The following ANO3 variants were observed in gnomAD, a reference collection of about 807,000 sequenced individuals.
ANO3 encodes anoctamin 3.
In ANO3, 99 loss-of-function variants were observed where a neutral mutation model predicts 144.8. The observed-to-expected ratio is 0.68, with a 90% CI of 0.58 to 0.81. ANO3 has a LOEUF of 0.81. ANO3 is among the 30% of genes least tolerant of loss of function. The pLI is 0.00. For missense variants in ANO3, 905 were observed against 1,202.2 expected, an observed-to-expected ratio of 0.75 and a Z score of 3.66; for synonymous variants, 414 against 392.6, an observed-to-expected ratio of 1.05 and a Z score of -0.64.
At chr11:26,546,179 T>C (rs1849783081) in intron 11 of ANO3, among the ~76,000 whole-genome samples, 1 of 151,938 alleles carries the variant, frequency 6.6e-6, no homozygotes, top group South Asian at 2.1e-4. Context: ...AAATGTTTTT[T>C]TTTCAATACC....
At position 26,276,357 on chromosome 11, in the gene ANO3, G is replaced by A. The variant is rs138055244; in HGVS notation, c.155-33288G>A. 2.3e-3 allele frequency among the ~76,000 whole-genome samples: 357 copies of A among 152,220 alleles called. 9 individuals carry two copies. Among genetic ancestry groups the A allele is most frequent in the Admixed American group, 0.021 (328 of 15,272 alleles). ...AATTTTAGCAACCATCCCCAGGTGA[G>A]TCTGAATCAGGGCCCATCAGACCCC... On this transcript the variant is annotated intron_variant, in intron 1 of 27. Transcript: ENST00000672621.
chr11:26,276,478 G>A (rs901801600), intron 1 of ANO3, among the ~76,000 whole-genome samples: 10 of 152,114 alleles, frequency 6.6e-5, no homozygotes, highest in African/African-American at 2.4e-4. Context: ...AGTGAAATGA[G>A]GCTAACTGCA....
At chr11:26,459,530 C>G (rs1859298476) in intron 3 of ANO3, among the ~76,000 whole-genome samples, 1 of 151,690 alleles carries the variant, frequency 6.6e-6, no homozygotes, top group African/African-American at 2.4e-5. Context: ...GTGTCAGACC[C>G]TATTCTAGAT....
At chr11:26,432,526 T>C (rs1050224172) in intron 1 of ANO3, among the ~76,000 whole-genome samples, 3 of 152,220 alleles carry the variant, frequency 2.0e-5, no homozygotes, top group Non-Finnish European at 4.4e-5. Context: ...AGGGTTTTTA[T>C]AGTTTTGGAT....
chr11:26,595,460 G>GTTTTTTT (rs201712393), intron 14 of ANO3, among the ~76,000 whole-genome samples: 2,460 of 101,172 alleles, frequency 0.024, 292 homozygotes, highest in African/African-American at 0.034. Flanking sequence ...AGATAGAGTT[G>GTTTTTTT]TTTTTTTTTT....
At chr11:26,339,838 C>T (rs567894080) in intron 1 of ANO3, among the ~76,000 whole-genome samples, 1 of 152,056 alleles carries the variant, frequency 6.6e-6, no homozygotes, top group Admixed American at 6.5e-5. Context: ...CCTGGCTGTC[C>T]GTTTGGTTAT....
chr11:26,581,333 A>G (rs1016915002), intron 14 of ANO3, among the ~76,000 whole-genome samples: 15 of 142,514 alleles, frequency 1.1e-4, no homozygotes, highest in Non-Finnish European at 2.0e-4. Context: ...TATGCTCACT[A>G]TAATGATGAA....
intron 1 of ANO3, among the ~76,000 whole-genome samples, chr11:26,192,125 T>C (rs555109767): frequency 9.9e-5 from 15 of 152,224 alleles, no homozygotes; most frequent in Non-Finnish European, 1.8e-4. Flanking sequence ...GTGTGGAAAT[T>C]ATCACACAAT....
chr11:26,609,809 C>T (rs10835015), intron 17 of ANO3, among the ~76,000 whole-genome samples: 5 of 151,968 alleles, frequency 3.3e-5, no homozygotes, highest in African/African-American at 7.3e-5. Flanking sequence ...TTCTGAGGAA[C>T]CTTCATAGAG....
intron 1 of ANO3, among the ~76,000 whole-genome samples, chr11:26,428,591 C>A (rs12288668): frequency 0.24 from 36,721 of 152,020 alleles, 5,120 homozygotes; most frequent in African/African-American, 0.38. Flanking sequence ...AAATAGTTTT[C>A]ATCATGTTAG....
At chr11:26,556,982 T>C (rs999343733) in intron 13 of ANO3, among the ~76,000 whole-genome samples, 7 of 152,152 alleles carry the variant, frequency 4.6e-5, no homozygotes, top group African/African-American at 1.7e-4. Flanking sequence ...GGAGAAAACA[T>C]AGACTTTCAG....
intron 1 of ANO3, among the ~76,000 whole-genome samples, chr11:26,249,122 T>C (rs1391530097): frequency 6.6e-6 from 1 of 152,176 alleles, no homozygotes; most frequent in Non-Finnish European, 1.5e-5. Context: ...ATAGCTTATA[T>C]TTGCATAGCT....
At chr11:26,375,315 C>T (rs1203043632) in intron 1 of ANO3, among the ~76,000 whole-genome samples, 2 of 152,174 alleles carry the variant, frequency 1.3e-5, no homozygotes, top group African/African-American at 4.8e-5. Flanking sequence ...CTGCCACTCA[C>T]CTCCTCCTCT....
intron 1 of ANO3, among the ~76,000 whole-genome samples, chr11:26,363,493 A>G (rs752191050): frequency 3.3e-5 from 5 of 152,048 alleles, no homozygotes; most frequent in South Asian, 2.1e-4. Flanking sequence ...CTGTGTATGC[A>G]CATCCCTTGG....
At position 26,635,068 on chromosome 11, in the gene ANO3, G is replaced by A. The variant is rs1488397206; in HGVS notation, c.2041G>A (p.Glu681Lys). The change falls in exon 20 of 27, where the codon GAA becomes AAA. Residue 681 changes from glutamate to lysine, a missense_variant and splice_region_variant. This residue lies in a region of ANO3 where 597 missense variants were observed against 865.1 expected (regional missense o/e 0.69). Coordinates refer to ENST00000256737, the MANE Select transcript of ANO3 (RefSeq NM_031418.4). ...ACTTTTTGACCGGTGGAGACTGGAGGAAGTAAGTAACTTTGGGAGTGTGGG... is the reference window on the plus strand; with the variant it reads ...ACTTTTTGACCGGTGGAGACTGGAGAAAGTAAGTAACTTTGGGAGTGTGGG... ...NKLFDRWRLE[E>K]CHPSGCLIDL... is the part of the protein sequence containing the mutation. 1 of 1,613,490 alleles carries A rather than the reference G, an allele frequency of 6.2e-7. No homozygotes were observed. The highest frequency in any genetic ancestry group is 8.5e-7 in the Non-Finnish European group (1 of 1,179,490).
chr11:26,337,561 A>G (rs547438741), intron 1 of ANO3, among the ~76,000 whole-genome samples: 44 of 152,334 alleles, frequency 2.9e-4, no homozygotes, highest in Non-Finnish European at 3.8e-4. Flanking sequence ...ATATAAACCA[A>G]TTTATCAAAA....
At chr11:26,577,545 CAA>C (rs1491405668) in intron 14 of ANO3, among the ~76,000 whole-genome samples, 51 of 100,056 alleles carry the variant, frequency 5.1e-4, no homozygotes, top group African/African-American at 1.9e-3. Context: ...GCCTGGGCAA[CAA>C]GAGAGAGACT....
rs184526479 is a variant in ANO3 at position 26,445,693 on chromosome 11, A to G, written c.313+1857A>G. On this transcript the variant is annotated intron_variant, in intron 3 of 26. Transcript: ENST00000256737. ...GATGAGGTGTTTGCCTTTATAATGA[A>G]GGTGAGGTACAGTCTCCAGCTAACT... 1.8e-3 allele frequency among the ~76,000 whole-genome samples: 277 copies of G among 152,284 alleles called. 3 individuals carry two copies. Among genetic ancestry groups the G allele is most frequent in the Admixed American group, 0.017 (266 of 15,286 alleles).
At chr11:26,304,280 T>C (rs974548058) in intron 1 of ANO3, among the ~76,000 whole-genome samples, 4 of 152,140 alleles carry the variant, frequency 2.6e-5, no homozygotes, top group African/African-American at 7.2e-5. Flanking sequence ...GTTGAGTACC[T>C]ATAGCAATGG....
Sources: gnomAD v4.1 joint callset for allele counts (sites outside exome capture counted in the v4.1 genomes callset) on GRCh38, gnomAD v4.1.1 for gene constraint, gnomAD v4.1.1 regional missense constraint, MANE v1.5 for transcripts, NCBI Gene and HGNC (gene_info 2026-07-23, HGNC 2026-07-21) for gene names.